Variants in DPYD observed in about 807,000 individuals in gnomAD.
DPYD encodes the protein dihydropyrimidine dehydrogenase [NADP(+)].
Under a neutral mutation model 116.2 loss-of-function variants are expected in DPYD, and 109 were observed. The observed-to-expected ratio is 0.94, with a 90% CI of 0.80 to 1.10. The LOEUF is 1.10. DPYD is among the 50% of genes least tolerant of loss of function. The probability of loss-of-function intolerance (pLI) is 0.00; values close to 1 mark genes in which losing one functional copy is unlikely to be tolerated. For missense variants in DPYD, 1,302 were observed against 1,254.5 expected (o/e 1.04, Z -0.57); for synonymous variants, 440 against 432.0 (o/e 1.02, Z -0.23).
intron 13 of DPYD, among the ~76,000 whole-genome samples, chr1:97,456,517 A>C (rs1676695579): frequency 2.0e-5 from 3 of 151,850 alleles, no homozygotes; most frequent in South Asian, 4.2e-4. Context: ...AGGGAAAGAC[A>C]CTCCTCCAAA....
At chr1:97,499,139 A>G (rs1200674083) in intron 13 of DPYD, among the ~76,000 whole-genome samples, 3 of 151,734 alleles carry the variant, frequency 2.0e-5, no homozygotes, top group Non-Finnish European at 4.4e-5. Flanking sequence ...CTCAGGAGAT[A>G]TATCTTTAAA....
chr1:97,409,240 T>C (rs1361628932), intron 14 of DPYD, among the ~76,000 whole-genome samples: 2 of 152,164 alleles, frequency 1.3e-5, no homozygotes, highest in Non-Finnish European at 1.5e-5. Flanking sequence ...TTTATGTAAA[T>C]AATATTATTA....
chr1:97,616,141 G>T (rs1014670948), intron 8 of DPYD, among the ~76,000 whole-genome samples: 7 of 141,854 alleles, frequency 4.9e-5, no homozygotes, highest in Non-Finnish European at 9.2e-5. Flanking sequence ...TCTAATAAAT[G>T]ATTTTTTTTT....
chr1:97,354,754 C>T (rs546274121), intron 16 of DPYD, among the ~76,000 whole-genome samples: 5 of 152,234 alleles, frequency 3.3e-5, no homozygotes, highest in South Asian at 4.2e-4. Flanking sequence ...GCCAATGACA[C>T]GAAAAGACAT....
intron 19 of DPYD, among the ~76,000 whole-genome samples, chr1:97,214,673 T>A (rs894972858): frequency 6.6e-6 from 1 of 152,182 alleles, no homozygotes; most frequent in East Asian, 1.9e-4. Context: ...CAGAAGGGAA[T>A]AGAAGATACA....
chr1:97,203,825 C>T (rs1387278448), intron 19 of DPYD, among the ~76,000 whole-genome samples: 15 of 129,648 alleles, frequency 1.2e-4, no homozygotes, highest in African/African-American at 4.1e-4. Flanking sequence ...AAAAGAACAA[C>T]TCACCTACAA....
At chr1:97,627,437 C>A (rs1656995932) in intron 8 of DPYD, among the ~76,000 whole-genome samples, 1 of 152,064 alleles carries the variant, frequency 6.6e-6, no homozygotes, top group Non-Finnish European at 1.5e-5. Flanking sequence ...CCATTGTGCA[C>A]TGAGAGCACG....
At chr1:97,454,456 A>C (rs188079882) in intron 13 of DPYD, among the ~76,000 whole-genome samples, 1 of 152,074 alleles carries the variant, frequency 6.6e-6, no homozygotes, top group Admixed American at 6.6e-5. Flanking sequence ...AACATATTCA[A>C]GAATAGTTAG....
At chr1:97,150,822 A>C (rs1317538460) in intron 20 of DPYD, among the ~76,000 whole-genome samples, 1 of 152,214 alleles carries the variant, frequency 6.6e-6, no homozygotes, top group Admixed American at 6.5e-5. Flanking sequence ...AATAGAACTA[A>C]GGCTGTTTAT....
At chr1:97,902,156 T>C (rs1157667434) in intron 1 of DPYD, among the ~76,000 whole-genome samples, 2 of 151,656 alleles carry the variant, frequency 1.3e-5, no homozygotes, top group East Asian at 3.9e-4. Flanking sequence ...TGTATCTCCT[T>C]AGAGTGTAAG....
intron 13 of DPYD, among the ~76,000 whole-genome samples, chr1:97,479,297 T>C (rs1481845654): frequency 1.3e-5 from 2 of 152,210 alleles, no homozygotes; most frequent in Non-Finnish European, 2.9e-5. Flanking sequence ...TGAGTTAGTC[T>C]TCCTCTCACT....
At chr1:97,881,543 G>C (rs1002540772) in intron 2 of DPYD, among the ~76,000 whole-genome samples, 3 of 152,050 alleles carry the variant, frequency 2.0e-5, no homozygotes, top group African/African-American at 7.2e-5. Context: ...ATATTTGACA[G>C]AGAAAGTGGA....
At chr1:97,661,879 T>G (rs1289835673) in intron 8 of DPYD, among the ~76,000 whole-genome samples, 2 of 151,964 alleles carry the variant, frequency 1.3e-5, no homozygotes, top group Non-Finnish European at 2.9e-5. Flanking sequence ...TTTAAATATG[T>G]ATATACATAC....
chr1:97,352,528 G>C (rs187173040), intron 16 of DPYD, among the ~76,000 whole-genome samples: 1 of 150,380 alleles, frequency 6.6e-6, no homozygotes, highest in Non-Finnish European at 1.5e-5. Context: ...CTTGCTCTTG[G>C]AGAAAAGAGG....
chr1:97,082,565 G>C, intron 21 of DPYD, 95 bp from the exon 22 acceptor site: 1 of 1,426,346 alleles, frequency 7.0e-7, no homozygotes, highest in South Asian at 1.2e-5. Flanking sequence ...TTTATACAAT[G>C]TTGCATTATA....
At chr1:97,892,158 T>C (rs990118001) in intron 1 of DPYD, among the ~76,000 whole-genome samples, 1 of 151,832 alleles carries the variant, frequency 6.6e-6, no homozygotes, top group South Asian at 2.1e-4. Flanking sequence ...GATTTCAATA[T>C]AACATTGTGC....
At chr1:97,520,665 C>T (rs1648581174) in intron 12 of DPYD, among the ~76,000 whole-genome samples, 1 of 151,870 alleles carries the variant, frequency 6.6e-6, no homozygotes, top group Non-Finnish European at 1.5e-5. Flanking sequence ...GTGATGTTCC[C>T]CTCCCTGTGT....
chr1:97,802,015 A>C (rs1451585071), intron 3 of DPYD, among the ~76,000 whole-genome samples: 1 of 151,962 alleles, frequency 6.6e-6, no homozygotes, highest in East Asian at 1.9e-4. Flanking sequence ...AAAATTCATC[A>C]GTATATCAAT....
chr1:97,519,689 A>G (rs1358280730), intron 12 of DPYD, among the ~76,000 whole-genome samples: 2 of 152,178 alleles, frequency 1.3e-5, no homozygotes, highest in Admixed American at 6.5e-5. Context: ...GGCTAAATGA[A>G]TATCTGTAAG....
Sources: allele counts gnomAD v4.1 joint callset (sites outside exome capture counted in the v4.1 genomes callset), GRCh38; gene constraint gnomAD v4.1.1; transcripts MANE v1.5; gene names NCBI Gene and HGNC (gene_info 2026-07-23, HGNC 2026-07-21).